Variants in FREM1 observed in about 807,000 individuals in gnomAD.
FREM1 encodes the protein FRAS1 related extracellular matrix 1.
Under a neutral mutation model 210.1 loss-of-function variants are expected in FREM1, and 220 were observed. That is an observed-to-expected ratio of 1.05 (90% CI 0.94 to 1.17). FREM1 has a LOEUF of 1.17. Among genes scored for constraint, FREM1 ranks in the 50% most tolerant of loss-of-function variants. The pLI, the probability that FREM1 is intolerant of heterozygous loss-of-function variation, is 0.00. For missense variants in FREM1, 3,454 were observed against 2,675.5 expected (o/e 1.29, Z -6.42); for synonymous variants, 1,189 against 980.2 (o/e 1.21, Z -3.98).
intron 29 of FREM1, among the ~76,000 whole-genome samples, 195 bp downstream of exon 29, chr9:14,756,179 T>C (rs1040265541): frequency 2.0e-5 from 3 of 152,194 alleles, no homozygotes; most frequent in Non-Finnish European, 4.4e-5. Context: ...AAAATTCATT[T>C]GTTACTAAAA....
rs376473065 is a variant in FREM1 at position 14,812,861 on chromosome 9, C to A, written c.2844G>T (p.Gln948His). The A allele has an allele frequency of 5.6e-6, 9 of 1,613,806 alleles. No individual in the cohort carries two copies. The Admixed American group carries it at 1.5e-4, about 27-fold the overall frequency. The change falls in exon 16 of 37, where the codon CAG becomes CAT. Residue 948 changes from glutamine to histidine, a missense_variant. Coordinates refer to ENST00000380880, the MANE Select transcript of FREM1 (RefSeq NM_001379081.2). ...VVRRAGVTVD[Q>H]FSQRDVISEA... is the part of the protein sequence containing the mutation. ...CTGAGATAACATCTCTCTGAGAGAACTGATCCACTGTGACTCCAGCTCTCC... is the reference window on the plus strand; with the variant it reads ...CTGAGATAACATCTCTCTGAGAGAAATGATCCACTGTGACTCCAGCTCTCC...
intron 10 of FREM1, among the ~76,000 whole-genome samples, chr9:14,832,824 A>T (rs1330690501): frequency 6.6e-6 from 1 of 152,200 alleles, no homozygotes; most frequent in Non-Finnish European, 1.5e-5. Flanking sequence ...AATTAATAAA[A>T]AAAGGATTTG....
Position 14,901,014 on chromosome 9 carries a change from C to T in FREM1, c.-268+8900G>A, listed in dbSNP as rs575061555. ...AAAGTTTAGCTACTAAAATTTTGTG[C>T]TACCACTAATTTCTGTTGCATTTTA... On this transcript the variant is annotated intron_variant, in intron 1 of 36. Coordinates refer to ENST00000380880, the MANE Select transcript of FREM1 (RefSeq NM_001379081.2). Among the ~76,000 whole-genome samples, 631 of 152,272 alleles carry T rather than the reference C, an allele frequency of 4.1e-3. 4 individuals are homozygous for T. Among genetic ancestry groups the T allele is most frequent in the Non-Finnish European group, 6.4e-3 (434 of 68,020 alleles).
intron 25 of FREM1, 32 bp from the exon 26 acceptor site, chr9:14,770,838 C>G: frequency 6.6e-7 from 1 of 1,522,066 alleles, no homozygotes; most frequent in Non-Finnish European, 9.0e-7. Context: ...AAAATGTTGT[C>G]CAAAGGCCCC....
chr9:14,828,070 T>C (rs1435190165), intron 10 of FREM1, among the ~76,000 whole-genome samples: 1 of 152,180 alleles, frequency 6.6e-6, no homozygotes, highest in Non-Finnish European at 1.5e-5. Flanking sequence ...CAGTACCCAC[T>C]AGGGCAATGC....
In FREM1 at chr9:14,812,991, C is replaced by T. The variant is rs754613342; in HGVS notation, c.2714G>A (p.Gly905Glu). 1.9e-6 allele frequency: 3 copies of T among 1,613,772 alleles called. No individual in the cohort carries two copies. The Admixed American group carries it at 5.0e-5, about 27-fold the overall frequency. The change falls in exon 16 of 37, where the codon GGA becomes GAA. Residue 905 changes from glycine (G) to glutamate (E), a missense_variant. Physicochemically the swap from Gly to Glu is moderately conservative, Grantham distance 98. Transcript: ENST00000380880. Reference sequence around the variant, plus strand: ...GTATTCAGAGGTGATGACCACCTCTCCTCCCTCTGAGCAATTCATGACAGG... The same window carrying T: ...GTATTCAGAGGTGATGACCACCTCTTCTCCCTCTGAGCAATTCATGACAGG... Reference protein sequence around the residue: ...LMPVMNCSEGGEVVITSEYIF... With the variant: ...LMPVMNCSEGEEVVITSEYIF...
At chr9:14,831,631 G>T (rs1333389528) in intron 10 of FREM1, among the ~76,000 whole-genome samples, 3 of 152,206 alleles carry the variant, frequency 2.0e-5, no homozygotes, top group Admixed American at 2.0e-4. Context: ...ATGGGTAAAT[G>T]CTTTAGCCTG....
intron 30 of FREM1, among the ~76,000 whole-genome samples, chr9:14,748,843 T>C (rs1262449206): frequency 6.6e-6 from 1 of 152,206 alleles, no homozygotes; most frequent in Non-Finnish European, 1.5e-5. Context: ...TGCACATCTA[T>C]TGAGTGATTA....
chr9:14,758,900 G>A (rs1230377737), intron 28 of FREM1, among the ~76,000 whole-genome samples: 1 of 152,138 alleles, frequency 6.6e-6, no homozygotes, highest in Admixed American at 6.5e-5. Context: ...ATATTTCAGG[G>A]TGCCTGTATT....
chr9:14,850,147 A>G (rs1827423613), intron 6 of FREM1, among the ~76,000 whole-genome samples: 1 of 152,178 alleles, frequency 6.6e-6, no homozygotes, highest in Non-Finnish European at 1.5e-5. Context: ...AGTTGCTGGT[A>G]GTTCTTTAAG....
At chr9:14,802,934 T>C (rs946958778) in intron 19 of FREM1, among the ~76,000 whole-genome samples, 3 of 152,214 alleles carry the variant, frequency 2.0e-5, no homozygotes, top group African/African-American at 7.2e-5. Flanking sequence ...CAATTAAGCC[T>C]TGAAGGACAT....
At chr9:14,883,110 T>C (rs1336766861) in intron 1 of FREM1, among the ~76,000 whole-genome samples, 1 of 152,012 alleles carries the variant, frequency 6.6e-6, no homozygotes, top group Non-Finnish European at 1.5e-5. Flanking sequence ...TGGATGAAGG[T>C]GGCAAGGTGG....
intron 1 of FREM1, among the ~76,000 whole-genome samples, chr9:14,881,520 T>C (rs1108623): frequency 0.035 from 5,349 of 152,336 alleles, 333 homozygotes; most frequent in African/African-American, 0.12. Context: ...ATGGAACAAC[T>C]TGATCAAAAT....
intron 3 of FREM1, among the ~76,000 whole-genome samples, chr9:14,861,180 TATAC>T (rs1830340200): frequency 1.5e-5 from 2 of 129,784 alleles, no homozygotes; most frequent in African/African-American, 6.4e-5. Flanking sequence ...TATGTACATA[TATAC>T]ACATATATAC....
Position 14,801,833 on chromosome 9 carries a change from G to C in FREM1, c.3513C>G (p.Ile1171Met), listed in dbSNP as rs774280190. Residue 1171 changes from isoleucine (I) to methionine (M), a missense_variant, in exon 20 of 37, where the codon ATC becomes ATG. Coordinates refer to ENST00000380880, the MANE Select transcript of FREM1 (RefSeq NM_001379081.2). ...GGGGAATGTCCAGGTCCACAGCGCTGATGATGGAAGAGTCCAGCTCTTTCA... is the reference window on the plus strand; with the variant it reads ...GGGGAATGTCCAGGTCCACAGCGCTCATGATGGAAGAGTCCAGCTCTTTCA... ...GQMKELDSSIISAVDLDIPQD... is the reference protein window; with the variant it reads ...GQMKELDSSIMSAVDLDIPQD... 3 of 1,613,770 alleles carry C rather than the reference G, an allele frequency of 1.9e-6. No individual in the cohort carries two copies. The highest frequency in any genetic ancestry group is 2.7e-5 in the African/African-American group (2 of 74,928).
chr9:14,804,918 G>T (rs759287254), intron 19 of FREM1, 38 bp downstream of exon 19: 2 of 1,488,790 alleles, frequency 1.3e-6, no homozygotes, highest in South Asian at 1.1e-5. Context: ...AAATCAAAAT[G>T]ATAAAAGAGA....
rs747709126 is a variant in FREM1 at position 14,784,547 on chromosome 9, C to T, written c.4265G>A (p.Gly1422Glu). 1 of 1,613,458 alleles carries T rather than the reference C, an allele frequency of 6.2e-7. No individual in the cohort carries two copies. The highest frequency in any genetic ancestry group is 1.3e-5 in the African/African-American group (1 of 75,016). The change falls in exon 24 of 37, where the codon GGA becomes GAA. Residue 1422 changes from glycine to glutamate, a missense_variant. Transcript: ENST00000380880. ...GAGCAGTTCCTCAGGCTTGTCTGTT[C>T]CGTCCACAGCCAGGAGCGTGGTGGT... Reference protein sequence around the residue: ...LTTTTLLAVDGTDKPEELLYV... With the variant: ...LTTTTLLAVDETDKPEELLYV...
At chr9:14,793,226 C>A (rs992556367) in intron 21 of FREM1, among the ~76,000 whole-genome samples, 2 of 152,144 alleles carry the variant, frequency 1.3e-5, no homozygotes, top group Non-Finnish European at 2.9e-5. Context: ...AACAACAGCT[C>A]CATGAAGTAA....
chr9:14,843,208 T>G (rs1035965047), intron 8 of FREM1, among the ~76,000 whole-genome samples: 2 of 152,204 alleles, frequency 1.3e-5, no homozygotes, highest in African/African-American at 4.8e-5. Context: ...TCCTGGCTCT[T>G]GGGCCTTTGA....
Sources: gnomAD v4.1 joint callset for allele counts (sites outside exome capture counted in the v4.1 genomes callset) on GRCh38, gnomAD v4.1.1 for gene constraint, MANE v1.5 for transcripts, NCBI Gene and HGNC (gene_info 2026-07-23, HGNC 2026-07-21) for gene names.